Variants in TMEM131 observed in about 807,000 individuals in gnomAD.
The protein encoded by TMEM131 is 2610524E03Rik.
In TMEM131, 66 loss-of-function variants were observed where a neutral mutation model predicts 211.6. The observed-to-expected ratio is 0.31, with a 90% confidence interval of 0.26 to 0.38. The LOEUF (loss-of-function observed/expected upper bound fraction) is 0.38. Ranked by LOEUF, TMEM131 falls within the 10% of genes least tolerant of loss-of-function variation. TMEM131 has a pLI of 1.00. For synonymous variants in TMEM131, 844 were observed against 841.3 expected, an observed-to-expected ratio of 1.00 and a Z score of -0.06; for missense variants, 2,036 against 2,299.3, an observed-to-expected ratio of 0.89 and a Z score of 2.34.
intron 2 of TMEM131, among the ~76,000 whole-genome samples, chr2:97,924,328 A>G (rs1462825781): frequency 6.6e-6 from 1 of 152,098 alleles, no homozygotes; most frequent in Non-Finnish European, 1.5e-5. Context: ...GGTTGCAGTG[A>G]GCTGTCATTG....
At chr2:97,767,342 G>A (rs1679221085) in intron 33 of TMEM131, among the ~76,000 whole-genome samples, 1 of 152,156 alleles carries the variant, frequency 6.6e-6, no homozygotes, top group African/African-American at 2.4e-5. Flanking sequence ...GACAGCAGCT[G>A]GAAAGAATGA....
At chr2:97,865,040 A>G (rs1423045719) in intron 4 of TMEM131, among the ~76,000 whole-genome samples, 2 of 152,230 alleles carry the variant, frequency 1.3e-5, no homozygotes, top group African/African-American at 4.8e-5. Flanking sequence ...TTGTCAGTTA[A>G]GAGTGGTGAC....
chr2:97,780,907 C>A (rs942288126), intron 31 of TMEM131, among the ~76,000 whole-genome samples: 1 of 152,150 alleles, frequency 6.6e-6, no homozygotes, highest in Admixed American at 6.5e-5. Flanking sequence ...GAGAAATATG[C>A]CCAAGGTGAA....
At chr2:97,796,799 G>T in intron 27 of TMEM131, 45 bp downstream of exon 27, 1 of 1,586,710 alleles carries the variant, frequency 6.3e-7, no homozygotes. Context: ...ACTGTTGAAA[G>T]CAAATGCTGA....
chr2:97,767,639 T>C (rs1256911379), intron 33 of TMEM131, among the ~76,000 whole-genome samples: 1 of 152,208 alleles, frequency 6.6e-6, no homozygotes, highest in Non-Finnish European at 1.5e-5. Flanking sequence ...CAGCTGTCAG[T>C]TCAGGGCTGA....
chr2:97,868,846 AC>A (rs376563043), intron 4 of TMEM131, among the ~76,000 whole-genome samples: 1 of 152,194 alleles, frequency 6.6e-6, no homozygotes, highest in African/African-American at 2.4e-5. Flanking sequence ...CTCCGTGGAG[AC>A]TCAGATCCTT....
chr2:97,757,546 A>AT (rs940896540), intron 40 of TMEM131, among the ~76,000 whole-genome samples, 163 bp from the exon 41 acceptor site: 14 of 152,206 alleles, frequency 9.2e-5, no homozygotes, highest in Admixed American at 5.9e-4. Context: ...GATGTTTCTG[A>AT]TTTTTTTGAG....
intron 31 of TMEM131, among the ~76,000 whole-genome samples, chr2:97,786,135 T>C (rs978253891): frequency 6.6e-6 from 1 of 152,184 alleles, no homozygotes; most frequent in Admixed American, 6.5e-5. Flanking sequence ...ATAGTAATAG[T>C]GTACAGTGGT....
At chr2:97,874,276 T>C (rs2105234779) in intron 4 of TMEM131, among the ~76,000 whole-genome samples, 1 of 152,260 alleles carries the variant, frequency 6.6e-6, no homozygotes, top group South Asian at 2.1e-4. Context: ...ACAAGGAGAA[T>C]GGAACCAAGC....
chr2:97,888,258 C>T (rs751439678), intron 3 of TMEM131, 138 bp from the exon 4 acceptor site: 76 of 568,626 alleles, frequency 1.3e-4, no homozygotes, highest in South Asian at 3.8e-4. Context: ...CAGAAATGTG[C>T]GTCACTTTTT....
In TMEM131 at chr2:97,792,441, G is replaced by C; in HGVS notation, c.4089C>G (p.Ser1363=). ...AMDKDFDHHD[S]PALEVFTEQP... is the part of the protein sequence containing the mutation. ...GCTCTGTAAACACTTCTAGGGCTGGGGAGTCATGGTGGTCGAAGTCTTTGT... is the reference window on the plus strand; with the variant it reads ...GCTCTGTAAACACTTCTAGGGCTGGCGAGTCATGGTGGTCGAAGTCTTTGT... The change falls in exon 31 of 41, where the codon TCC becomes TCG. Residue 1363 remains serine (S), a synonymous_variant. Transcript: ENST00000186436. 1 of 1,612,916 alleles carries C rather than the reference G, an allele frequency of 6.2e-7. No individual in the cohort carries two copies. Among genetic ancestry groups the C allele is most frequent in the East Asian group, 2.2e-5 (1 of 44,884 alleles).
intron 18 of TMEM131, 115 bp downstream of exon 18, chr2:97,811,013 T>C (rs990060162): frequency 1.4e-5 from 11 of 763,020 alleles, no homozygotes; most frequent in Non-Finnish European, 2.3e-5. Flanking sequence ...TTTTAAGGTA[T>C]GAAACTGGTA....
intron 1 of TMEM131, among the ~76,000 whole-genome samples, chr2:97,931,014 G>T (rs955788389): frequency 1.3e-5 from 2 of 151,852 alleles, no homozygotes; most frequent in African/African-American, 4.9e-5. Flanking sequence ...CTAGAGAAAA[G>T]TATGAATTCT....
chr2:97,926,064 A>G (rs1299542199), intron 2 of TMEM131, among the ~76,000 whole-genome samples: 1 of 151,602 alleles, frequency 6.6e-6, no homozygotes, highest in Non-Finnish European at 1.5e-5. Flanking sequence ...GTGAGCCGAG[A>G]TCGCGCCACT....
At chr2:97,872,550 AT>A (rs918914937) in intron 4 of TMEM131, among the ~76,000 whole-genome samples, 31 of 152,186 alleles carry the variant, frequency 2.0e-4, no homozygotes, top group Admixed American at 1.9e-3. Flanking sequence ...TGACTTCTAC[AT>A]TTCCAACTGG....
intron 4 of TMEM131, among the ~76,000 whole-genome samples, chr2:97,870,222 C>T (rs545015576): frequency 5.5e-4 from 84 of 152,180 alleles, no homozygotes; most frequent in African/African-American, 1.9e-3. Flanking sequence ...ATAGCAACAC[C>T]TAGATTGGTG....
At position 97,775,839 on chromosome 2, in the gene TMEM131, G is replaced by A. The variant is rs17489259; in HGVS notation, c.4320+4C>T. Reference sequence around the variant, plus strand: ...GTGTTTTGTTGTGTGAGATCAGCCCGTACCTCCTTGAGGAGCGGTTCTGTG... The same window carrying A: ...GTGTTTTGTTGTGTGAGATCAGCCCATACCTCCTTGAGGAGCGGTTCTGTG... On this transcript the variant is annotated splice_donor_region_variant and intron_variant, in intron 32 of 40. Coordinates refer to ENST00000186436, the MANE Select transcript of TMEM131 (RefSeq NM_015348.2). 0.2 allele frequency: 315,638 copies of A among 1,611,422 alleles called. 35,327 individuals are homozygous for A. The highest frequency in any genetic ancestry group is 0.24 in the Middle Eastern group (1,435 of 6,042).
At chr2:97,803,660 A>T (rs888132986) in intron 22 of TMEM131, among the ~76,000 whole-genome samples, 3 of 152,232 alleles carry the variant, frequency 2.0e-5, no homozygotes, top group Admixed American at 6.5e-5. Context: ...TAACAAAGTA[A>T]CACAAAGGCA....
At chr2:97,961,568 T>A (rs1003585908) in intron 1 of TMEM131, among the ~76,000 whole-genome samples, 5 of 152,152 alleles carry the variant, frequency 3.3e-5, no homozygotes, top group African/African-American at 1.2e-4. Flanking sequence ...GAAATTTACA[T>A]GGAAATGGAA....
Sources: allele counts gnomAD v4.1 joint callset (sites outside exome capture counted in the v4.1 genomes callset), GRCh38; gene constraint gnomAD v4.1.1; transcripts MANE v1.5; gene names NCBI Gene and HGNC (gene_info 2026-07-23, HGNC 2026-07-21).